The following FUT8 variants were observed in gnomAD, a reference collection of about 807,000 sequenced individuals.
FUT8 encodes alpha-(1,6)-fucosyltransferase.
Under a neutral mutation model 71.3 loss-of-function variants are expected in FUT8, and 29 were observed. The observed-to-expected ratio is 0.41, with a 90% CI of 0.30 to 0.55. FUT8 has a LOEUF of 0.55. Ranked by LOEUF, FUT8 falls within the 20% of genes least tolerant of loss-of-function variation. The probability of loss-of-function intolerance (pLI) is 0.34; values close to 1 mark genes in which losing one functional copy is unlikely to be tolerated. For synonymous variants in FUT8, 254 were observed against 239.3 expected (o/e 1.06, Z -0.57); for missense variants, 544 against 702.1 (o/e 0.77, Z 2.55).
chr14:65,710,157 G>GT (rs746473704), intron 7 of FUT8, among the ~76,000 whole-genome samples: 7 of 151,890 alleles, frequency 4.6e-5, no homozygotes, highest in African/African-American at 9.7e-5. Flanking sequence ...TTAATAACAT[G>GT]TTTTTTTCAG....
chr14:65,576,760 G>A (rs765435537), intron 3 of FUT8, among the ~76,000 whole-genome samples: 19 of 125,542 alleles, frequency 1.5e-4, no homozygotes, highest in Non-Finnish European at 2.6e-4. Context: ...AGCTTTTGTC[G>A]CCAGGATGGA....
At chr14:65,599,605 T>C (rs1207097592) in intron 3 of FUT8, among the ~76,000 whole-genome samples, 1 of 152,228 alleles carries the variant, frequency 6.6e-6, no homozygotes, top group East Asian at 1.9e-4. Flanking sequence ...CCAGGATACA[T>C]TCCTGGGCCA....
intron 2 of FUT8, among the ~76,000 whole-genome samples, chr14:65,557,569 G>C (rs1885661266): frequency 6.6e-6 from 1 of 151,046 alleles, no homozygotes; most frequent in African/African-American, 2.4e-5. Context: ...CTGACCTTGT[G>C]ATCCACCCGC....
intron 6 of FUT8, among the ~76,000 whole-genome samples, chr14:65,631,859 G>A (rs986750458): frequency 1.0e-4 from 14 of 140,548 alleles, no homozygotes; most frequent in Non-Finnish European, 2.0e-4. Context: ...CCTCCCACCC[G>A]TCCCTCCAAG....
chr14:65,683,551 T>C (rs1032825147), intron 7 of FUT8, among the ~76,000 whole-genome samples: 3 of 152,212 alleles, frequency 2.0e-5, no homozygotes, highest in Non-Finnish European at 4.4e-5. Flanking sequence ...ATGAAAGATT[T>C]ATATTTTGTA....
intron 3 of FUT8, among the ~76,000 whole-genome samples, chr14:65,614,737 T>C (rs1000383444): frequency 6.6e-6 from 1 of 152,240 alleles, no homozygotes; most frequent in Non-Finnish European, 1.5e-5. Flanking sequence ...AAGACACTTG[T>C]TATTACAAAA....
intron 9 of FUT8, among the ~76,000 whole-genome samples, chr14:65,731,679 A>G (rs1284340038): frequency 1.3e-5 from 2 of 152,124 alleles, no homozygotes; most frequent in Non-Finnish European, 2.9e-5. Flanking sequence ...TAAAAAAATA[A>G]TGGTAGGGTT....
chr14:65,525,217 A>G (rs1453915569), intron 2 of FUT8, among the ~76,000 whole-genome samples: 1 of 152,196 alleles, frequency 6.6e-6, no homozygotes, highest in Non-Finnish European at 1.5e-5. Context: ...TTGGTAGGCT[A>G]TTAATCATTG....
chr14:65,707,405 T>C (rs1172854546), intron 7 of FUT8, among the ~76,000 whole-genome samples: 1 of 152,206 alleles, frequency 6.6e-6, no homozygotes, highest in Non-Finnish European at 1.5e-5. Context: ...TATTAGCCCT[T>C]TGTTGGGTGT....
chr14:65,675,357 A>G (rs1182811499), intron 7 of FUT8, among the ~76,000 whole-genome samples: 1 of 152,228 alleles, frequency 6.6e-6, no homozygotes, highest in Non-Finnish European at 1.5e-5. Flanking sequence ...AAAACATGGT[A>G]CATTTTCTTG....
At chr14:65,509,601 A>T (rs571353909) in intron 2 of FUT8, among the ~76,000 whole-genome samples, 7 of 151,864 alleles carry the variant, frequency 4.6e-5, no homozygotes, top group Non-Finnish European at 8.8e-5. Context: ...TCTTTCATCA[A>T]TATAGTATAG....
At chr14:65,679,108 C>T (rs777097972) in intron 7 of FUT8, among the ~76,000 whole-genome samples, 14 of 152,210 alleles carry the variant, frequency 9.2e-5, no homozygotes, top group Middle Eastern at 3.4e-3. Context: ...AGTAAATCAC[C>T]GTGTTTTTCT....
the FUT8 span, among the ~76,000 whole-genome samples, chr14:65,378,841 T>TTTTC: frequency 1.5e-5 from 2 of 130,780 alleles, no homozygotes; most frequent in Admixed American, 7.8e-5. Flanking sequence ...AAGAAGGTTT[T>TTTTC]TTTTTTTTTT....
the FUT8 span, among the ~76,000 whole-genome samples, chr14:65,381,391 G>A: frequency 6.6e-6 from 1 of 152,212 alleles, no homozygotes; most frequent in Non-Finnish European, 1.5e-5. Flanking sequence ...TACCAGAGGA[G>A]CAAGGTGACT....
At chr14:65,670,907 A>G (rs1287200236) in intron 7 of FUT8, among the ~76,000 whole-genome samples, 1 of 151,984 alleles carries the variant, frequency 6.6e-6, no homozygotes, top group African/African-American at 2.4e-5. Context: ...TTTATTTTTA[A>G]CTCACTTCAG....
chr14:65,658,069 C>A (rs1268317272), intron 6 of FUT8, among the ~76,000 whole-genome samples: 1 of 151,966 alleles, frequency 6.6e-6, no homozygotes. Context: ...ATCACATGTC[C>A]AACGAAGGCA....
At chr14:65,522,981 G>C (rs1002354715) in intron 2 of FUT8, among the ~76,000 whole-genome samples, 1 of 152,056 alleles carries the variant, frequency 6.6e-6, no homozygotes, top group Admixed American at 6.6e-5. Flanking sequence ...ATTGATGGAC[G>C]TTTGGGTTGG....
intron 1 of FUT8, among the ~76,000 whole-genome samples, chr14:65,414,802 CAG>C (rs1473073697): frequency 6.6e-6 from 1 of 152,126 alleles, no homozygotes; most frequent in East Asian, 1.9e-4. Context: ...ATTGCAGAAA[CAG>C]ATGCAAAAAT....
rs147660349 is a variant in FUT8, at chr14:65,457,555, G to A, written c.-228+1837G>A. Among the ~76,000 whole-genome samples, 910 of 152,148 alleles carry A rather than the reference G, an allele frequency of 6.0e-3. 11 individuals are homozygous for A. Among genetic ancestry groups the A allele is most frequent in the East Asian group, 0.035 (180 of 5,180 alleles). On this transcript the variant is annotated intron_variant, in intron 2 of 10. Transcript: ENST00000673929. ...AGGGCTTTATTCAGCTGGGAGTATC[G>A]GCAAGCTACTGCCTTAAAATCTCAG...
Sources: gnomAD v4.1 joint callset for allele counts (sites outside exome capture counted in the v4.1 genomes callset) on GRCh38, gnomAD v4.1.1 for gene constraint, MANE v1.5 for transcripts, NCBI Gene and HGNC (gene_info 2026-07-23, HGNC 2026-07-21) for gene names.